Variants in LPA observed in about 807,000 individuals in gnomAD.
LPA encodes apolipoprotein(a).
LPA carries 199 observed loss-of-function variants against 197.9 expected under a neutral mutation model. The observed-to-expected ratio is 1.01, with a 90% CI of 0.90 to 1.13. The LOEUF (loss-of-function observed/expected upper bound fraction) is 1.13. LPA is among the 50% of genes most tolerant of loss of function. The probability of loss-of-function intolerance (pLI) is 0.00; values close to 1 mark genes in which losing one functional copy is unlikely to be tolerated. For synonymous variants in LPA, 715 were observed against 639.5 expected (o/e 1.12, Z -1.78); for missense variants, 1,853 against 1,785.8 (o/e 1.04, Z -0.68).
At chr6:160,576,782 A>G (rs1030909731) in intron 28 of LPA, among the ~76,000 whole-genome samples, 7 of 147,608 alleles carry the variant, frequency 4.7e-5, no homozygotes, top group Non-Finnish European at 1.0e-4. Flanking sequence ...AACCTTCGGG[A>G]ATTGAAATTT....
At chr6:160,659,296 G>A (rs1780183107) in intron 1 of LPA, among the ~76,000 whole-genome samples, 1 of 152,174 alleles carries the variant, frequency 6.6e-6, no homozygotes, top group Admixed American at 6.5e-5. Context: ...GCACACTGGG[G>A]TGTGAGTAAA....
chr6:160,605,665 C>G (rs1344474143), intron 17 of LPA, among the ~76,000 whole-genome samples: 2 of 152,098 alleles, frequency 1.3e-5, no homozygotes, highest in Non-Finnish European at 2.9e-5. Context: ...AAACAATGAA[C>G]GTTTCATAAC....
intron 20 of LPA, among the ~76,000 whole-genome samples, chr6:160,598,703 C>T (rs1309310874): frequency 6.6e-6 from 1 of 152,188 alleles, no homozygotes; most frequent in Non-Finnish European, 1.5e-5. Context: ...TTCTTCTCCT[C>T]TGGGCAGACC....
At chr6:160,661,864 T>C (rs189344999) in intron 1 of LPA, among the ~76,000 whole-genome samples, 7 of 152,340 alleles carry the variant, frequency 4.6e-5, no homozygotes, top group South Asian at 2.1e-4. Flanking sequence ...AATAAATTAA[T>C]AAGGTGCTTC....
chr6:160,570,905 G>C (rs540054292), intron 28 of LPA, among the ~76,000 whole-genome samples: 1 of 152,214 alleles, frequency 6.6e-6, no homozygotes, highest in South Asian at 2.1e-4. Context: ...TCCTTAATTT[G>C]AATGTTGGCC....
At chr6:160,634,946 C>A (rs1197504308) in intron 7 of LPA, among the ~76,000 whole-genome samples, 177 bp downstream of exon 7, 2 of 150,276 alleles carry the variant, frequency 1.3e-5, no homozygotes, top group Non-Finnish European at 2.9e-5. Flanking sequence ...CCAAGTTGCA[C>A]CAGAAATCAC....
intron 16 of LPA, 25 bp downstream of exon 16, chr6:160,611,537 C>T (rs762177089): frequency 2.5e-6 from 4 of 1,607,218 alleles, no homozygotes; most frequent in Middle Eastern, 3.9e-4. Context: ...CCTTTATTCT[C>T]TTATGGTAAA....
intron 30 of LPA, among the ~76,000 whole-genome samples, chr6:160,550,653 A>AG (rs1778153272): frequency 6.6e-6 from 1 of 152,224 alleles, no homozygotes; most frequent in Non-Finnish European, 1.5e-5. Flanking sequence ...ACATCACCCC[A>AG]GAAAAAAACT....
intron 28 of LPA, among the ~76,000 whole-genome samples, chr6:160,558,691 C>G (rs1197623845): frequency 2.6e-5 from 4 of 152,132 alleles, no homozygotes; most frequent in Non-Finnish European, 4.4e-5. Context: ...ACAATGGGAT[C>G]TGAAGAGGTC....
chr6:160,551,414 G>A (rs1372631109), intron 30 of LPA, among the ~76,000 whole-genome samples: 1 of 152,176 alleles, frequency 6.6e-6, no homozygotes, highest in African/African-American at 2.4e-5. Context: ...TGGGAGAAAT[G>A]TTCCTATATT....
Position 160,594,005 on chromosome 6 carries a change from A to G in LPA, c.3582T>C (p.Ser1194=). Residue 1194 remains serine (S), a synonymous_variant, in exon 22 of 39, where the codon TCT becomes TCC. Transcript: ENST00000316300. ...VTGRTCQSWS[S]MTPHWHQRTT... is the part of the protein sequence containing the mutation. ...TCCTCTGATGCCAGTGTGGTGTCAT[A>G]GAGGACCAAGACTGACATGTCCTTC... 1 of 1,614,002 alleles carries G rather than the reference A, an allele frequency of 6.2e-7. No individual in the cohort carries two copies. The highest frequency in any genetic ancestry group is 8.5e-7 in the Non-Finnish European group (1 of 1,179,894).
chr6:160,576,260 G>A (rs1778656355), intron 28 of LPA, among the ~76,000 whole-genome samples: 1 of 148,038 alleles, frequency 6.8e-6, no homozygotes, highest in Non-Finnish European at 1.5e-5. Context: ...TCAAGTCCTG[G>A]CAACACATGT....
rs532761301 is a variant in LPA at position 160,560,695 on chromosome 6, G to T, written c.4632-3124C>A. On this transcript the variant is annotated intron_variant, in intron 28 of 38. Transcript: ENST00000316300. ...TGTACATTCTAAACATTAGCCCTTTGTCAGATGGCTAGACCACAGAATTTT... is the reference window on the plus strand; with the variant it reads ...TGTACATTCTAAACATTAGCCCTTTTTCAGATGGCTAGACCACAGAATTTT... Among the ~76,000 whole-genome samples, 343 of 151,560 alleles carry T rather than the reference G, an allele frequency of 2.3e-3. 1 individual carries two copies. The highest frequency in any genetic ancestry group is 7.9e-3 in the African/African-American group (326 of 41,306).
chr6:160,534,635 C>A (rs1583562009), intron 37 of LPA, among the ~76,000 whole-genome samples: 1 of 152,158 alleles, frequency 6.6e-6, no homozygotes, highest in African/African-American at 2.4e-5. Context: ...CTGAGAACAC[C>A]CATTGATCTG....
At chr6:160,570,262 T>A (rs1311707196) in intron 28 of LPA, among the ~76,000 whole-genome samples, 1 of 152,142 alleles carries the variant, frequency 6.6e-6, no homozygotes, top group Non-Finnish European at 1.5e-5. Flanking sequence ...TAGACTGGAT[T>A]AAGAAAATGT....
rs1054913483 is a variant in LPA, at chr6:160,557,311, G to C, written c.4813+79C>G. 6.0e-6 allele frequency: 9 copies of C among 1,503,656 alleles called. No individual in the cohort carries two copies. The East Asian group carries it at 1.1e-4, about 19-fold the overall frequency. 93.1% of individuals were successfully genotyped at this position (1,503,656 alleles called of 1,614,324 possible). On this transcript the variant is annotated intron_variant, in intron 29 of 38. Transcript: ENST00000316300. ...CTCAAGTTTCTGTGTAGCATGGAAG[G>C]CTTCTGCATCAGTCAGATTTTCCAT...
In LPA at chr6:160,650,615, G is replaced by A; in HGVS notation, c.50-118C>T. 1.1e-5 allele frequency: 11 copies of A among 967,050 alleles called. No individual in the cohort carries two copies. In the South Asian group the frequency reaches 1.2e-4, roughly 10 times the overall value. The allele number at this position is 967,050 out of a possible 1,614,324, so 59.9% of individuals were successfully genotyped here. A position where few individuals can be genotyped will look rare whatever the true frequency, so the allele number is the denominator to read the frequency against. On this transcript the variant is annotated intron_variant, in intron 1 of 38. Coordinates refer to ENST00000316300, the MANE Select transcript of LPA (RefSeq NM_005577.4). ...AGAATTACGACCATTCTCTTCTCTT[G>A]ATTAGCAGGCAGACAGACGTGCAAA...
intron 18 of LPA, among the ~76,000 whole-genome samples, chr6:160,604,093 T>C (rs532510327): frequency 2.0e-5 from 3 of 152,286 alleles, no homozygotes; most frequent in African/African-American, 7.2e-5. Context: ...TAGCCAAAGA[T>C]TCGAGGAGAC....
intron 14 of LPA, among the ~76,000 whole-genome samples, chr6:160,615,428 T>A (rs1307961534): frequency 2.7e-5 from 3 of 112,322 alleles, no homozygotes; most frequent in Non-Finnish European, 5.5e-5. Context: ...TTGGGTAATG[T>A]TTTCCTCTGA....
Sources: allele counts gnomAD v4.1 joint callset (sites outside exome capture counted in the v4.1 genomes callset), GRCh38; gene constraint gnomAD v4.1.1; transcripts MANE v1.5; gene names NCBI Gene and HGNC (gene_info 2026-07-23, HGNC 2026-07-21).